The following KLHDC10 variants were observed in gnomAD, a reference collection of about 807,000 sequenced individuals.
KLHDC10 encodes the protein kelch domain-containing protein 10.
In KLHDC10, 24 loss-of-function variants were observed where a neutral mutation model predicts 56.1. The ratio of observed to expected loss-of-function variants is 0.43; its 90% confidence interval spans 0.31 to 0.60. The LOEUF (loss-of-function observed/expected upper bound fraction) is 0.60. Ranked by LOEUF, KLHDC10 falls within the 20% of genes least tolerant of loss-of-function variation. KLHDC10 has a pLI of 0.11. For missense variants in KLHDC10, 349 were observed against 567.0 expected (o/e 0.62, Z 3.91); for synonymous variants, 188 against 207.1 (o/e 0.91, Z 0.79).
At chr7:130,121,904 T>C (rs1796252678) in intron 4 of KLHDC10, 150 bp from the exon 5 acceptor site, 1 of 629,684 alleles carries the variant, frequency 1.6e-6, no homozygotes, top group African/African-American at 1.9e-5. Context: ...CTGGGTTCTC[T>C]AAAATCTTTA....
In KLHDC10 at chr7:130,120,975, G is replaced by C. The variant is rs1393602416; in HGVS notation, c.630+72G>C. 2.9e-6 allele frequency: 4 copies of C among 1,390,912 alleles called. No homozygotes were observed. Among genetic ancestry groups the C allele is most frequent in the Non-Finnish European group, 3.9e-6 (4 of 1,018,888 alleles). 86.2% of individuals were successfully genotyped at this position (1,390,912 alleles called of 1,614,324 possible). Reference sequence around the variant, plus strand: ...GTCTGGGGATGGTGTTAGAATATTTGTAATTGTTACCATTTTATTTTAATG... The same window carrying C: ...GTCTGGGGATGGTGTTAGAATATTTCTAATTGTTACCATTTTATTTTAATG... On this transcript the variant is annotated intron_variant, in intron 4 of 9. Transcript: ENST00000335420. This position sits in a 1 kb window ranked among gnomAD's most constrained non-coding sequence, Gnocchi z 5.1.
Position 130,070,604 on chromosome 7 carries a change from G to A in KLHDC10, c.-40G>A, listed in dbSNP as rs755159259. ...AGGCTCCGCTGGTTCCGCTGGGTCAGGCGCTGACGGGACCGGGCTGCGGCA... is the reference window on the plus strand; with the variant it reads ...AGGCTCCGCTGGTTCCGCTGGGTCAAGCGCTGACGGGACCGGGCTGCGGCA... On this transcript the variant is annotated 5_prime_UTR_variant, in exon 1 of 10. Coordinates refer to ENST00000335420, the MANE Select transcript of KLHDC10 (RefSeq NM_014997.4). 7.7e-7 allele frequency: 1 copy of A among 1,300,028 alleles called. No homozygotes were observed. The highest frequency in any genetic ancestry group is 2.8e-5 in the South Asian group (1 of 36,072). 80.5% of individuals were successfully genotyped at this position (1,300,028 alleles called of 1,614,324 possible).
At chr7:130,127,528 C>A in intron 8 of KLHDC10, 77 bp downstream of exon 8, 1 of 1,053,580 alleles carries the variant, frequency 9.5e-7, no homozygotes, top group Non-Finnish European at 1.5e-6. Context: ...CTAAGATAGC[C>A]CCCTCAAAAG....
rs1413135954 is a variant in KLHDC10, at chr7:130,133,252, G to A, written c.*2506G>A. The A allele has an allele frequency of 3.3e-5, 5 of 152,126 alleles. No individual in the cohort carries two copies. Among genetic ancestry groups the A allele is most frequent in the Admixed American group, 2.6e-4 (4 of 15,260 alleles). The allele number at this position is 152,126 out of a possible 1,614,324, so 9.4% of individuals were successfully genotyped here. On this transcript the variant is annotated 3_prime_UTR_variant, in exon 10 of 10. Transcript: ENST00000335420. ...TTAGATAGGGGTCATCAGGCGTTTC[G>A]GTATACCTATAACCAGCACTCGGAA...
chr7:130,112,897 G>A (rs561472235), intron 2 of KLHDC10, among the ~76,000 whole-genome samples: 67 of 152,256 alleles, frequency 4.4e-4, no homozygotes, highest in Non-Finnish European at 8.2e-4. Flanking sequence ...ATTATTAACA[G>A]AAACCAACAG....
chr7:130,070,694 C>T lies in KLHDC10; in HGVS notation c.51C>T (p.Ala17=). The T allele has an allele frequency of 1.5e-6, 2 of 1,297,198 alleles. No homozygotes were observed. The highest frequency in any genetic ancestry group is 2.4e-5 in the South Asian group (1 of 42,116). 80.4% of individuals were successfully genotyped at this position (1,297,198 alleles called of 1,614,324 possible). Residue 17 remains alanine, a synonymous_variant, in exon 1 of 10, where the codon GCC becomes GCT. Transcript: ENST00000335420. ...GGAACCGCCGGAGGGGAGGAGGCGC[C>T]GCCGGCGCTGGTGGCGGAGGTAGCG... ...WDRNRRRGGG[A]AGAGGGGSGA...
In KLHDC10 at chr7:130,116,117, T is replaced by A. The variant is rs1213083398; in HGVS notation, c.254-328T>A. 3.9e-5 allele frequency among the ~76,000 whole-genome samples: 6 copies of A among 152,224 alleles called. No homozygotes were observed. The highest frequency in any genetic ancestry group is 1.2e-4 in the African/African-American group (5 of 41,458). On this transcript the variant is annotated intron_variant, in intron 2 of 9. Transcript: ENST00000335420. The surrounding 1 kb of genome is among the most constrained non-coding windows in gnomAD (Gnocchi z 4.8). ...AAACTTGTCCTGTTAGCTTTTGGATTATTAAATCTTTCCTCCTTCTTTTCT... is the reference window on the plus strand; with the variant it reads ...AAACTTGTCCTGTTAGCTTTTGGATAATTAAATCTTTCCTCCTTCTTTTCT...
intron 3 of KLHDC10, among the ~76,000 whole-genome samples, chr7:130,119,800 C>T (rs1584637595): frequency 2.1e-5 from 3 of 142,222 alleles, no homozygotes; most frequent in South Asian, 2.2e-4. Context: ...GCTGAGATCA[C>T]ACCACTACAC....
chr7:130,084,992 G>A (rs985624450), intron 1 of KLHDC10, among the ~76,000 whole-genome samples: 39 of 152,024 alleles, frequency 2.6e-4, no homozygotes, highest in African/African-American at 9.4e-4. Context: ...AAGGGAGATG[G>A]TGAGGCTCAC....
rs34901862 is a variant in KLHDC10 at position 130,123,016 on chromosome 7, T to TATGGATGGATGGATGG, written c.779+840_779+855dup. On this transcript the variant is annotated intron_variant, in intron 5 of 9. Transcript: ENST00000335420. Reference sequence around the variant, plus strand: ...ATGGGTGATGAATGATAGATGGATGTATGGATGGATGGATGGATGGATGGA... The same window carrying TATGGATGGATGGATGG: ...ATGGGTGATGAATGATAGATGGATGTATGGATGGATGGATGGATGGATGGATGGATGGATGGATGGA... 4.7e-3 allele frequency among the ~76,000 whole-genome samples: 699 copies of TATGGATGGATGGATGG among 149,046 alleles called. 9 individuals are homozygous for TATGGATGGATGGATGG. Among genetic ancestry groups the TATGGATGGATGGATGG allele is most frequent in the African/African-American group, 0.017 (674 of 40,532 alleles).
chr7:130,074,136 A>G (rs114514413), intron 1 of KLHDC10, among the ~76,000 whole-genome samples: 209 of 152,258 alleles, frequency 1.4e-3, no homozygotes, highest in African/African-American at 4.7e-3. Context: ...TCTCTTGGTC[A>G]TTGATCTTTT....
intron 2 of KLHDC10, among the ~76,000 whole-genome samples, chr7:130,107,881 T>G (rs1584631612): frequency 1.8e-5 from 2 of 108,154 alleles, no homozygotes; most frequent in Admixed American, 1.1e-4. Context: ...CCGGACGCGG[T>G]GGCCCGTACC....
chr7:130,081,031 C>T (rs1427940329), intron 1 of KLHDC10, among the ~76,000 whole-genome samples: 2 of 142,464 alleles, frequency 1.4e-5, no homozygotes, highest in African/African-American at 5.3e-5. Flanking sequence ...CGGAGTCTCG[C>T]TCTGTCACCC....
At chr7:130,077,959 T>C (rs983847027) in intron 1 of KLHDC10, among the ~76,000 whole-genome samples, 1 of 152,206 alleles carries the variant, frequency 6.6e-6, no homozygotes, top group Non-Finnish European at 1.5e-5. Context: ...AGAATTCTAA[T>C]ATTATCTATA....
Position 130,120,109 on chromosome 7 carries a change from A to C in KLHDC10, c.476-640A>C, listed in dbSNP as rs1796229409. On this transcript the variant is annotated intron_variant, in intron 3 of 9. Coordinates refer to ENST00000335420, the MANE Select transcript of KLHDC10 (RefSeq NM_014997.4). This position sits in a 1 kb window ranked among gnomAD's most constrained non-coding sequence, Gnocchi z 5.1. ...TTTAGAAATCATTCTCCTGGCAAAA[A>C]CAGAATGTCCCTTTAGTCCCTTTAT... Among the ~76,000 whole-genome samples, 1 of 152,174 alleles carries C rather than the reference A, an allele frequency of 6.6e-6. No individual in the cohort carries two copies. The highest frequency in any genetic ancestry group is 1.5e-5 in the Non-Finnish European group (1 of 68,034).
At position 130,091,615 on chromosome 7, in the gene KLHDC10, G is replaced by A. The variant is rs548068090; in HGVS notation, c.167-5306G>A. Among the ~76,000 whole-genome samples, 33 of 152,048 alleles carry A rather than the reference G, an allele frequency of 2.2e-4. No homozygotes were observed. In the South Asian group the frequency reaches 6.7e-3, roughly 31 times the overall value. ...TAGTCATTTTCTATATCCTTCATCT[G>A]AATAAGACAGATACTTTAATGTTCT... On this transcript the variant is annotated intron_variant, in intron 1 of 9. Transcript: ENST00000335420.
intron 1 of KLHDC10, among the ~76,000 whole-genome samples, chr7:130,074,800 G>A (rs1177517968): frequency 3.9e-5 from 6 of 152,008 alleles, no homozygotes; most frequent in East Asian, 1.9e-4. Flanking sequence ...TAGTAGAGAC[G>A]GGGTTTCATC....
At position 130,130,315 on chromosome 7, in the gene KLHDC10, C is replaced by T. The variant is rs928794069; in HGVS notation, c.1120-222C>T. ...CCAGCCTGGGCGACAGAGTGAGACT[C>T]TGTCTCAAAAAAAAAAAAAATCATA... is the stretch of plus-strand genomic sequence containing the variant. On this transcript the variant is annotated intron_variant, in intron 9 of 9. Coordinates refer to ENST00000335420, the MANE Select transcript of KLHDC10 (RefSeq NM_014997.4). This position sits in a 1 kb window ranked among gnomAD's most constrained non-coding sequence, Gnocchi z 4.2. 9.2e-4 allele frequency among the ~76,000 whole-genome samples: 98 copies of T among 106,786 alleles called. No individual in the cohort carries two copies. Among genetic ancestry groups the T allele is most frequent in the Non-Finnish European group, 1.6e-3 (88 of 54,884 alleles). The allele number at this position is 106,786 out of a possible 152,430, so 70.1% of individuals were successfully genotyped here.
chr7:130,079,539 C>T (rs1263618219), intron 1 of KLHDC10, among the ~76,000 whole-genome samples: 1 of 152,116 alleles, frequency 6.6e-6, no homozygotes, highest in African/African-American at 2.4e-5. Flanking sequence ...CCTGAATTAA[C>T]TTACTTTGTC....
Sources: gnomAD v4.1 joint callset for allele counts (sites outside exome capture counted in the v4.1 genomes callset) on GRCh38, gnomAD v4.1.1 for gene constraint, Gnocchi (gnomAD v3.1) non-coding constraint, MANE v1.5 for transcripts, NCBI Gene and HGNC (gene_info 2026-07-23, HGNC 2026-07-21) for gene names.